Variants in TSPAN16 observed in about 807,000 individuals in gnomAD.
TSPAN16 encodes the protein tetraspanin 16.
TSPAN16 carries 23 observed loss-of-function variants against 25.2 expected under a neutral mutation model. The ratio of observed to expected loss-of-function variants is 0.91; its 90% CI spans 0.66 to 1.29. TSPAN16 has a LOEUF of 1.29. Ranked by LOEUF, TSPAN16 falls within the 50% of genes most tolerant of loss-of-function variation. The pLI, the probability that TSPAN16 is intolerant of heterozygous loss-of-function variation, is 0.00. For synonymous variants in TSPAN16, 123 were observed against 124.4 expected (o/e 0.99, Z 0.08); for missense variants, 272 against 299.9 (o/e 0.91, Z 0.69).
intron 4 of TSPAN16, among the ~76,000 whole-genome samples, chr19:11,303,573 AAATT>A (rs1190397904): frequency 4.9e-4 from 57 of 117,172 alleles, no homozygotes; most frequent in Middle Eastern, 4.2e-3. Context: ...ATAAATAAAT[AAATT>A]AAAAAAAAAA....
intron 4 of TSPAN16, among the ~76,000 whole-genome samples, chr19:11,303,619 C>A (rs1349948844): frequency 6.6e-6 from 1 of 150,402 alleles, no homozygotes; most frequent in African/African-American, 2.5e-5. Flanking sequence ...AAGCGATCCT[C>A]CTAACTCAGC....
chr19:11,301,114 C>A, intron 3 of TSPAN16, 87 bp from the exon 4 acceptor site: 2 of 1,114,270 alleles, frequency 1.8e-6, no homozygotes, highest in Non-Finnish European at 1.4e-6. Context: ...ACGCTCCCAC[C>A]TCCCACTCTA....
At chr19:11,316,800 A>ACC (rs1295200109), downstream of TSPAN16, among the ~76,000 whole-genome samples, 2 of 119,678 alleles carry the variant, frequency 1.7e-5, no homozygotes, top group Non-Finnish European at 3.4e-5. Context: ...ACATAGCAAG[A>ACC]CCCCCCCCGC....
chr19:11,310,606 A>G (rs186041660), intron 5 of TSPAN16, among the ~76,000 whole-genome samples: 3 of 152,052 alleles, frequency 2.0e-5, no homozygotes. Context: ...CTGGTATCCT[A>G]ATATCTCTGA....
intron 6 of TSPAN16, among the ~76,000 whole-genome samples, chr19:11,326,188 C>CTCCA (rs1427845406): frequency 2.0e-5 from 3 of 150,874 alleles, no homozygotes; most frequent in African/African-American, 7.3e-5. Flanking sequence ...CACCACTGTA[C>CTCCA]TCCAGCCTGG....
chr19:11,315,710 C>A, intron 6 of TSPAN16, 81 bp from the exon 7 acceptor site: 2 of 1,119,198 alleles, frequency 1.8e-6, no homozygotes, highest in South Asian at 4.5e-5. Context: ...AGGATGCTCC[C>A]CTTGTCCCCG....
intron 3 of TSPAN16, 37 bp from the exon 4 acceptor site, chr19:11,301,164 A>T: frequency 6.4e-7 from 1 of 1,562,852 alleles, no homozygotes; most frequent in Non-Finnish European, 8.8e-7. Context: ...CACTCTTGCT[A>T]GTTGGGGTAC....
At chr19:11,320,633 A>G (rs1329898596), downstream of TSPAN16, among the ~76,000 whole-genome samples, 1 of 151,024 alleles carries the variant, frequency 6.6e-6, no homozygotes, top group African/African-American at 2.4e-5. Context: ...TGATTGTGCC[A>G]CTGCACTCCA....
downstream of TSPAN16, among the ~76,000 whole-genome samples, chr19:11,320,122 C>CCTTTTTTTTTTTTT (rs2080769364): frequency 9.4e-6 from 1 of 106,838 alleles, no homozygotes; most frequent in Admixed American, 1.1e-4. Flanking sequence ...CCGGCCAGGA[C>CCTTTTTTTTTTTTT]TTTTTTTTTT....
At chr19:11,315,433 T>G (rs1355704169) in intron 6 of TSPAN16, among the ~76,000 whole-genome samples, 1 of 150,688 alleles carries the variant, frequency 6.6e-6, no homozygotes, top group Non-Finnish European at 1.5e-5. Context: ...GGCGGCCGCC[T>G]GTAGTCCCAG....
intron 6 of TSPAN16, among the ~76,000 whole-genome samples, chr19:11,321,039 T>G (rs960810000): frequency 2.6e-5 from 4 of 151,080 alleles, no homozygotes; most frequent in Admixed American, 1.3e-4. Flanking sequence ...CGTAGTGGAG[T>G]GTGCCTGTAA....
At chr19:11,316,413 C>T (rs968280284), downstream of TSPAN16, among the ~76,000 whole-genome samples, 1 of 152,068 alleles carries the variant, frequency 6.6e-6, no homozygotes, top group East Asian at 1.9e-4. Context: ...AGCCACTGCA[C>T]CCAGCCAGTT....
rs938552959 is a variant in TSPAN16, at chr19:11,298,357, A to G, written c.267+18A>G. On this transcript the variant is annotated intron_variant, in intron 2 of 6. Transcript: ENST00000590327. ...TCTTGTTTGTAAGTTGGATCTGCAC[A>G]CAGACCCCAGAACTGCCTCCCCACA... 1 of 1,611,646 alleles carries G rather than the reference A, an allele frequency of 6.2e-7. No individual in the cohort carries two copies. The highest frequency in any genetic ancestry group is 1.1e-5 in the South Asian group (1 of 90,924).
exon 7 of TSPAN16, chr19:11,326,902 G>A (rs1471397699): frequency 1.3e-5 from 7 of 544,618 alleles, no homozygotes; most frequent in African/African-American, 3.9e-5. Flanking sequence ...GAGCCACCAC[G>A]CTGGGCTTCC....
intron 4 of TSPAN16, among the ~76,000 whole-genome samples, chr19:11,302,885 A>T (rs986178635): frequency 8.9e-5 from 12 of 135,082 alleles, no homozygotes; most frequent in South Asian, 2.3e-4. Flanking sequence ...TGCCTGGCTA[A>T]TTTTTTTTTT....
rs548246731 is a variant in TSPAN16 at position 11,310,857 on chromosome 19, G to A, written c.604-1282G>A. Among the ~76,000 whole-genome samples, 213 of 117,130 alleles carry A rather than the reference G, an allele frequency of 1.8e-3. 2 individuals are homozygous for A. Among genetic ancestry groups the A allele is most frequent in the African/African-American group, 9.6e-3 (211 of 22,064 alleles). 76.8% of individuals were successfully genotyped at this position (117,130 alleles called of 152,430 possible). ...TATATTTATGTATTTATTTAGAGACGGGTTCTTGCTCTGTCACTCAGGCTG... is the reference window on the plus strand; with the variant it reads ...TATATTTATGTATTTATTTAGAGACAGGTTCTTGCTCTGTCACTCAGGCTG... On this transcript the variant is annotated intron_variant, in intron 5 of 6. Coordinates refer to ENST00000590327, the MANE Select transcript of TSPAN16 (RefSeq NM_001282509.2).
Position 11,296,192 on chromosome 19 carries a change from C to T in TSPAN16, c.-106C>T. The T allele has an allele frequency of 8.3e-7, 1 of 1,210,130 alleles. No individual in the cohort carries two copies. The allele number at this position is 1,210,130 out of a possible 1,614,324, so 75.0% of individuals were successfully genotyped here. A position where few individuals can be genotyped will look rare whatever the true frequency, so the allele number is the denominator to read the frequency against. ...CAGGACACAGAGGGGCAGAGCAAGT[C>T]AGCATTGGCGCCCCTTCCTCAGATC... On this transcript the variant is annotated 5_prime_UTR_variant, in exon 1 of 7. Coordinates refer to ENST00000590327, the MANE Select transcript of TSPAN16 (RefSeq NM_001282509.2).
chr19:11,316,881 C>T (rs1249371084), downstream of TSPAN16, among the ~76,000 whole-genome samples: 1 of 146,308 alleles, frequency 6.8e-6, no homozygotes, highest in African/African-American at 2.5e-5. Flanking sequence ...GTGATCTCGG[C>T]TTATTGCAAC....
At chr19:11,326,406 C>T (rs114773457) in intron 6 of TSPAN16, among the ~76,000 whole-genome samples, 1,874 of 152,178 alleles carry the variant, frequency 0.012, 47 homozygotes, top group African/African-American at 0.043. Flanking sequence ...CGAAACCCTG[C>T]GGCTGCAGCC....
Sources: gnomAD v4.1 joint callset for allele counts (sites outside exome capture counted in the v4.1 genomes callset) on GRCh38, gnomAD v4.1.1 for gene constraint, MANE v1.5 for transcripts, NCBI Gene and HGNC (gene_info 2026-07-23, HGNC 2026-07-21) for gene names.